The following PRDM16 variants were observed in gnomAD, a reference collection of about 807,000 sequenced individuals.
PRDM16 encodes the protein histone-lysine N-methyltransferase PRDM16.
A neutral mutation model predicts 110.6 loss-of-function variants in PRDM16; 23 were observed. That is an observed-to-expected ratio of 0.21 (90% CI 0.15 to 0.29). The LOEUF is 0.29. Among genes scored for constraint, PRDM16 ranks in the 10% least tolerant of loss-of-function variants. The pLI, the probability that PRDM16 is intolerant of heterozygous loss-of-function variation, is 1.00. For missense variants in PRDM16, 1,615 were observed against 1,794.3 expected, an observed-to-expected ratio of 0.90 and a Z score of 1.81; for synonymous variants, 799 against 781.8, an observed-to-expected ratio of 1.02 and a Z score of -0.37.
intron 1 of PRDM16, among the ~76,000 whole-genome samples, chr1:3,111,180 C>T (rs1402317040): frequency 6.6e-6 from 1 of 152,152 alleles, no homozygotes; most frequent in East Asian, 1.9e-4. Flanking sequence ...CCCTGCTGGC[C>T]ACTGCTGGGC....
intron 1 of PRDM16, among the ~76,000 whole-genome samples, chr1:3,172,261 G>A (rs1033512383): frequency 1.3e-5 from 2 of 152,154 alleles, no homozygotes; most frequent in Non-Finnish European, 2.9e-5. Flanking sequence ...GAAGGTGGAA[G>A]TGGCTTTACC....
chr1:3,112,660 C>T (rs1037676120), intron 1 of PRDM16, among the ~76,000 whole-genome samples: 8 of 152,240 alleles, frequency 5.3e-5, no homozygotes, highest in Admixed American at 1.3e-4. Flanking sequence ...CTGGCCGGGC[C>T]GCATTCCTGC....
chr1:3,090,889 C>T (rs1172032220), intron 1 of PRDM16, among the ~76,000 whole-genome samples: 1 of 152,166 alleles, frequency 6.6e-6, no homozygotes, highest in Non-Finnish European at 1.5e-5. Flanking sequence ...GCAGAATCTC[C>T]AGGACCTGCT....
chr1:3,203,913 G>A (rs2100832612), intron 2 of PRDM16, among the ~76,000 whole-genome samples: 1 of 152,280 alleles, frequency 6.6e-6, no homozygotes, highest in African/African-American at 2.4e-5. Flanking sequence ...GGTATAGCAG[G>A]TGACAGAAGG....
intron 1 of PRDM16, among the ~76,000 whole-genome samples, chr1:3,135,830 C>T (rs1643426817): frequency 6.6e-6 from 1 of 152,200 alleles, no homozygotes; most frequent in South Asian, 2.1e-4. Flanking sequence ...CCCCGTGGCT[C>T]CCTGGGCCGG....
Position 3,390,488 on chromosome 1 carries a change from G to A in PRDM16, c.573+5202G>A, listed in dbSNP as rs954798548. ...AACCCCAAAACCCCAGGGCCTTCCA[G>A]GGGCAGAGCAGGGGTCCCGGCGCCC... On this transcript the variant is annotated intron_variant, in intron 4 of 16. Transcript: ENST00000270722. This position sits in a 1 kb window ranked among gnomAD's most constrained non-coding sequence, Gnocchi z 5.0. Among the ~76,000 whole-genome samples, 1 of 152,202 alleles carries A rather than the reference G, an allele frequency of 6.6e-6. No individual in the cohort carries two copies. The highest frequency in any genetic ancestry group is 6.5e-5 in the Admixed American group (1 of 15,290).
At chr1:3,408,962 A>G (rs2493300) in intron 8 of PRDM16, among the ~76,000 whole-genome samples, 86,713 of 143,004 alleles carry the variant, frequency 0.61, 27,956 homozygotes, top group African/African-American at 0.89. Context: ...CGTGTGAGCC[A>G]GTGCATGTGT....
intron 2 of PRDM16, among the ~76,000 whole-genome samples, chr1:3,230,337 G>A (rs1639378531): frequency 6.6e-6 from 1 of 152,202 alleles, no homozygotes; most frequent in South Asian, 2.1e-4. Context: ...CCAGCCTCCT[G>A]GGACGAGTCC....
chr1:3,410,291 C>T (rs930435941), intron 8 of PRDM16, among the ~76,000 whole-genome samples: 1 of 152,114 alleles, frequency 6.6e-6, no homozygotes, highest in Non-Finnish European at 1.5e-5. Flanking sequence ...ACCCCCAGGC[C>T]GCTGGGTCCT....
At position 3,255,931 on chromosome 1, in the gene PRDM16, C is replaced by G; in HGVS notation, c.438+11794C>G. ...CCGCACCGACACCTGAAGCCAATCC[C>G]GTGGCCACACCAACAGTACAGGGTG... On this transcript the variant is annotated intron_variant, in intron 3 of 16. Coordinates refer to ENST00000270722, the MANE Select transcript of PRDM16 (RefSeq NM_022114.4). This position sits in a 1 kb window ranked among gnomAD's most constrained non-coding sequence, Gnocchi z 4.7. 6.6e-6 allele frequency among the ~76,000 whole-genome samples: 1 copy of G among 152,118 alleles called. No individual in the cohort carries two copies.
intron 8 of PRDM16, among the ~76,000 whole-genome samples, chr1:3,406,312 G>C (rs979170961): frequency 6.6e-6 from 1 of 152,130 alleles, no homozygotes; most frequent in South Asian, 2.1e-4. Context: ...CTGCCTGTTC[G>C]ATGAGAGGCG....
chr1:3,233,167 G>A (rs1335264944), intron 2 of PRDM16, among the ~76,000 whole-genome samples: 1 of 152,236 alleles, frequency 6.6e-6, no homozygotes, highest in Non-Finnish European at 1.5e-5. Context: ...AGGAGTGCCA[G>A]TGAGGGAGCC....
intron 16 of PRDM16, among the ~76,000 whole-genome samples, chr1:3,433,023 C>G (rs1348298747): frequency 6.6e-6 from 1 of 152,238 alleles, no homozygotes; most frequent in Non-Finnish European, 1.5e-5. Context: ...AACAGACATC[C>G]CCTGGCAGGG....
chr1:3,087,761 A>T (rs1642183911), intron 1 of PRDM16, among the ~76,000 whole-genome samples: 1 of 152,044 alleles, frequency 6.6e-6, no homozygotes, highest in South Asian at 2.1e-4. Flanking sequence ...GTCTGCCAGT[A>T]CCATATTGTT....
chr1:3,254,149 TG>T (rs1639998884), intron 3 of PRDM16, among the ~76,000 whole-genome samples: 1 of 152,218 alleles, frequency 6.6e-6, no homozygotes, highest in Non-Finnish European at 1.5e-5. Flanking sequence ...TCTCCCATTT[TG>T]TAAGTTGCCT....
At chr1:3,214,900 G>T (rs1638983886) in intron 2 of PRDM16, among the ~76,000 whole-genome samples, 1 of 152,146 alleles carries the variant, frequency 6.6e-6, no homozygotes, top group South Asian at 2.1e-4. Context: ...TTTTGGCTGG[G>T]CAGGGCCTGA....
At chr1:3,333,619 G>C (rs1420601702) in intron 3 of PRDM16, among the ~76,000 whole-genome samples, 1 of 150,760 alleles carries the variant, frequency 6.6e-6, no homozygotes, top group Non-Finnish European at 1.5e-5. Context: ...TCTTGGCCAA[G>C]AGCCATCGCG....
At position 3,356,489 on chromosome 1, in the gene PRDM16, T is replaced by C. The variant is rs191752909; in HGVS notation, c.439-28663T>C. Among the ~76,000 whole-genome samples the C allele has an allele frequency of 4.6e-5, 7 of 152,324 alleles. No homozygotes were observed. The East Asian group carries it at 5.8e-4, about 13-fold the overall frequency. ...CTCCCTTTCCAACAGAGAAACACTGTTGGGGAGACGGTCAGAGGAGGCTGC... is the reference window on the plus strand; with the variant it reads ...CTCCCTTTCCAACAGAGAAACACTGCTGGGGAGACGGTCAGAGGAGGCTGC... On this transcript the variant is annotated intron_variant, in intron 3 of 16. Coordinates refer to ENST00000270722, the MANE Select transcript of PRDM16 (RefSeq NM_022114.4).
At chr1:3,335,118 C>T (rs531855119) in intron 3 of PRDM16, among the ~76,000 whole-genome samples, 14 of 152,178 alleles carry the variant, frequency 9.2e-5, no homozygotes, top group Non-Finnish European at 2.1e-4. Flanking sequence ...AGAGAACTCG[C>T]TTCAAGGCCC....
Sources: allele counts gnomAD v4.1 joint callset (sites outside exome capture counted in the v4.1 genomes callset), GRCh38; gene constraint gnomAD v4.1.1; non-coding constraint Gnocchi (gnomAD v3.1); transcripts MANE v1.5; gene names NCBI Gene and HGNC (gene_info 2026-07-23, HGNC 2026-07-21).